PLPPR1: variants seen among roughly 807,000 people sequenced by gnomAD.
PLPPR1 encodes phospholipid phosphatase related 1.
In PLPPR1, 10 loss-of-function variants were observed where a neutral mutation model predicts 33.1. That is an observed-to-expected ratio of 0.30 (90% CI 0.19 to 0.51). The LOEUF is 0.51. Among genes scored for constraint, PLPPR1 ranks in the 20% least tolerant of loss-of-function variants. The pLI is 0.97. For synonymous variants in PLPPR1, 151 were observed against 151.0 expected (o/e 1.00, Z 0.00); for missense variants, 304 against 408.1 (o/e 0.74, Z 2.20).
At position 101,255,992 on chromosome 9, in the gene PLPPR1, G is replaced by T. The variant is rs1390702070; in HGVS notation, c.64-13888G>T. Among the ~76,000 whole-genome samples the T allele has an allele frequency of 3.9e-5, 6 of 152,190 alleles. No homozygotes were observed. The South Asian group carries it at 1.2e-3, about 32-fold the overall frequency. On this transcript the variant is annotated intron_variant, in intron 2 of 7. Coordinates refer to ENST00000374874, the MANE Select transcript of PLPPR1 (RefSeq NM_207299.2). ...TTGAGAAAGTTGTCCAAAGATAAAAGAACTTGAGATGACCTTACAGCAGTG... is the reference window on the plus strand; with the variant it reads ...TTGAGAAAGTTGTCCAAAGATAAAATAACTTGAGATGACCTTACAGCAGTG...
At chr9:101,111,256 G>C (rs1329084) in intron 1 of PLPPR1, among the ~76,000 whole-genome samples, 28 of 151,968 alleles carry the variant, frequency 1.8e-4, no homozygotes, top group Non-Finnish European at 3.8e-4. Context: ...AATTCAAGTC[G>C]TTTTCAGAAA....
At chr9:101,191,163 C>T (rs1826290963) in intron 2 of PLPPR1, among the ~76,000 whole-genome samples, 1 of 152,152 alleles carries the variant, frequency 6.6e-6, no homozygotes, top group South Asian at 2.1e-4. Context: ...TAGCTCTTTA[C>T]TGCTCTGGTT....
At chr9:101,249,784 T>C (rs1028751886) in intron 2 of PLPPR1, among the ~76,000 whole-genome samples, 4 of 152,072 alleles carry the variant, frequency 2.6e-5, no homozygotes, top group African/African-American at 9.7e-5. Flanking sequence ...GGACAACTGG[T>C]CTTCGCTCTG....
chr9:101,139,404 G>C (rs1049104991), intron 1 of PLPPR1, among the ~76,000 whole-genome samples: 2 of 152,192 alleles, frequency 1.3e-5, no homozygotes, highest in African/African-American at 2.4e-5. Context: ...AATCTGACTA[G>C]TTGGTCCTCA....
At chr9:101,078,500 G>A (rs1830577997) in intron 1 of PLPPR1, among the ~76,000 whole-genome samples, 2 of 152,036 alleles carry the variant, frequency 1.3e-5, no homozygotes, top group East Asian at 3.9e-4. Flanking sequence ...TTTTTTCCAT[G>A]TTGAGATTGG....
intron 6 of PLPPR1, among the ~76,000 whole-genome samples, chr9:101,315,872 T>C (rs1829041803): frequency 6.6e-6 from 1 of 152,100 alleles, no homozygotes; most frequent in Non-Finnish European, 1.5e-5. Flanking sequence ...CAATAGTGCT[T>C]TATGTTTGTG....
At chr9:101,303,323 AG>A (rs1828787674) in intron 4 of PLPPR1, among the ~76,000 whole-genome samples, 1 of 150,508 alleles carries the variant, frequency 6.6e-6, no homozygotes, top group South Asian at 2.1e-4. Flanking sequence ...TTGTTTGAGA[AG>A]GAGTTTTACT....
chr9:101,305,374 C>G (rs1012583517), intron 4 of PLPPR1, among the ~76,000 whole-genome samples: 2 of 152,070 alleles, frequency 1.3e-5, no homozygotes, highest in Non-Finnish European at 2.9e-5. Flanking sequence ...TTTTCACTGT[C>G]GTCATGTATG....
In PLPPR1 at chr9:101,312,922, G is replaced by A; in HGVS notation, c.761G>A (p.Cys254Tyr). Reference sequence around the variant, plus strand: ...CGGGTCTCTGAGTATCGGAACCACTGCTCGGACGTGATTGCTGGTTTCATC... The same window carrying A: ...CGGGTCTCTGAGTATCGGAACCACTACTCGGACGTGATTGCTGGTTTCATC... ...LNRVSEYRNHCSDVIAGFILG... is the reference protein window; with the variant it reads ...LNRVSEYRNHYSDVIAGFILG... Residue 254 changes from cysteine (C) to tyrosine (Y), a missense_variant, in exon 6 of 8, where the codon TGC becomes TAC. Transcript: ENST00000374874. 1 of 1,614,180 alleles carries A rather than the reference G, an allele frequency of 6.2e-7. No individual in the cohort carries two copies.
In PLPPR1 at chr9:101,029,097, C is replaced by T. The variant is rs571984488; in HGVS notation, c.-51C>T. 1.9e-3 allele frequency: 295 copies of T among 152,868 alleles called. 1 individual carries two copies. The highest frequency in any genetic ancestry group is 3.4e-3 in the Non-Finnish European group (231 of 68,304). The allele number at this position is 152,868 out of a possible 1,614,324, so 9.5% of individuals were successfully genotyped here. A position where few individuals can be genotyped will look rare whatever the true frequency, so the allele number is the denominator to read the frequency against. On this transcript the variant is annotated 5_prime_UTR_variant, in exon 1 of 8. Coordinates refer to ENST00000374874, the MANE Select transcript of PLPPR1 (RefSeq NM_207299.2). ...GGGCGCACTGGAGGACGCTCCGCTG[C>T]GGGAGGTGAGTGCGGCGCCCGCAGC...
intron 2 of PLPPR1, among the ~76,000 whole-genome samples, chr9:101,209,086 CT>C (rs1826638908): frequency 6.6e-6 from 1 of 152,166 alleles, no homozygotes; most frequent in South Asian, 2.1e-4. Flanking sequence ...TACCTGGGAA[CT>C]TTTTAGAAAA....
At chr9:101,138,013 G>A (rs541418629) in intron 1 of PLPPR1, among the ~76,000 whole-genome samples, 54 of 152,326 alleles carry the variant, frequency 3.5e-4, no homozygotes, top group African/African-American at 1.0e-3. Context: ...CACAGAGATA[G>A]CATCGATGAG....
intron 2 of PLPPR1, among the ~76,000 whole-genome samples, chr9:101,262,211 G>A (rs1827912040): frequency 6.6e-6 from 1 of 152,146 alleles, no homozygotes; most frequent in East Asian, 1.9e-4. Context: ...TAATCTTCAT[G>A]ATAATCTGAA....
At chr9:101,060,643 ATAAT>A (rs759123092) in intron 1 of PLPPR1, among the ~76,000 whole-genome samples, 3 of 151,900 alleles carry the variant, frequency 2.0e-5, no homozygotes, top group Non-Finnish European at 4.4e-5. Context: ...AATAATTTAG[ATAAT>A]TAACACATTA....
chr9:101,219,071 C>T (rs2118784505), intron 2 of PLPPR1, among the ~76,000 whole-genome samples: 1 of 152,298 alleles, frequency 6.6e-6, no homozygotes, highest in African/African-American at 2.4e-5. Context: ...ATGTCATGAA[C>T]ACGCTCCTCC....
intron 1 of PLPPR1, among the ~76,000 whole-genome samples, chr9:101,115,143 A>T (rs975034547): frequency 1.6e-4 from 25 of 152,174 alleles, no homozygotes; most frequent in African/African-American, 6.0e-4. Context: ...TTCATTTATG[A>T]CACCTCAATC....
intron 1 of PLPPR1, among the ~76,000 whole-genome samples, chr9:101,171,870 C>T (rs117493599): frequency 0.01 from 1,558 of 152,292 alleles, 10 homozygotes; most frequent in Middle Eastern, 0.02. Context: ...CTCAGTATCA[C>T]TGAGGAAACG....
intron 1 of PLPPR1, chr9:101,125,344 CTCTACTTACTTACTTG>C (rs1831232117): frequency 5.9e-6 from 1 of 168,624 alleles, no homozygotes; most frequent in Non-Finnish European, 1.3e-5. Flanking sequence ...ACTTACTTAT[CTCTACTTACTTACTTG>C]TCTCTACTTA....
chr9:101,060,102 A>G lies in PLPPR1; in HGVS notation c.-46+31000A>G, dbSNP rs144292985. ...ATCAATGGATGAATGGATAAAGAAA[A>G]TCAGTTATATATACATGATGGCCTA... On this transcript the variant is annotated intron_variant, in intron 1 of 7. Coordinates refer to ENST00000374874, the MANE Select transcript of PLPPR1 (RefSeq NM_207299.2). Among the ~76,000 whole-genome samples, 52 of 152,182 alleles carry G rather than the reference A, an allele frequency of 3.4e-4. 1 individual carries two copies. The highest frequency in any genetic ancestry group is 1.2e-3 in the African/African-American group (51 of 41,550).
Sources: allele counts gnomAD v4.1 joint callset (sites outside exome capture counted in the v4.1 genomes callset), GRCh38; gene constraint gnomAD v4.1.1; transcripts MANE v1.5; gene names NCBI Gene and HGNC (gene_info 2026-07-23, HGNC 2026-07-21).